The following UVRAG variants were observed in gnomAD, a reference collection of about 807,000 sequenced individuals.
UVRAG encodes UV radiation resistance associated.
Under a neutral mutation model 78.0 loss-of-function variants are expected in UVRAG, and 19 were observed. That is an observed-to-expected ratio of 0.24 (90% CI 0.17 to 0.36). UVRAG has a LOEUF of 0.36. Among genes scored for constraint, UVRAG ranks in the 10% least tolerant of loss-of-function variants. The pLI, the probability that UVRAG is intolerant of heterozygous loss-of-function variation, is 1.00. For missense variants in UVRAG, 740 were observed against 853.8 expected (o/e 0.87, Z 1.66); for synonymous variants, 323 against 324.6 (o/e 1.00, Z 0.05).
At position 75,815,401 on chromosome 11, in the gene UVRAG, G is replaced by A; in HGVS notation, c.-7G>A. On this transcript the variant is annotated 5_prime_UTR_variant, in exon 1 of 15. Coordinates refer to ENST00000356136, the MANE Select transcript of UVRAG (RefSeq NM_003369.4). Reference sequence around the variant, plus strand: ...CCGCCCCGCCGCTTGGCGGCCCCTGGATCGAGATGAGCGCCTCCGCGTCGG... The same window carrying A: ...CCGCCCCGCCGCTTGGCGGCCCCTGAATCGAGATGAGCGCCTCCGCGTCGG... 1 of 1,240,770 alleles carries A rather than the reference G, an allele frequency of 8.1e-7. No individual in the cohort carries two copies. The highest frequency in any genetic ancestry group is 1.0e-6 in the Non-Finnish European group (1 of 988,882). The allele number at this position is 1,240,770 out of a possible 1,614,324, so 76.9% of individuals were successfully genotyped here.
chr11:75,898,956 G>A (rs1302308591), intron 5 of UVRAG, among the ~76,000 whole-genome samples: 1 of 151,994 alleles, frequency 6.6e-6, no homozygotes, highest in Admixed American at 6.6e-5. Flanking sequence ...CAGAAGTAGG[G>A]ATTAACTGTC....
chr11:75,944,566 C>T (rs917713619), intron 6 of UVRAG, among the ~76,000 whole-genome samples: 6 of 152,098 alleles, frequency 3.9e-5, no homozygotes, highest in African/African-American at 1.4e-4. Flanking sequence ...GTACTGCATG[C>T]TGGAAACTAT....
At chr11:76,071,437 T>C (rs1301227086) in intron 13 of UVRAG, among the ~76,000 whole-genome samples, 1 of 152,054 alleles carries the variant, frequency 6.6e-6, no homozygotes, top group East Asian at 1.9e-4. Context: ...CCAGGGAGCA[T>C]AGCACATAAA....
At chr11:76,068,471 A>AG (rs1951238918) in intron 13 of UVRAG, among the ~76,000 whole-genome samples, 1 of 152,222 alleles carries the variant, frequency 6.6e-6, no homozygotes, top group Non-Finnish European at 1.5e-5. Flanking sequence ...ATCCATAGGG[A>AG]GCAAGTATCC....
At chr11:76,044,882 C>A (rs563900436) in intron 12 of UVRAG, among the ~76,000 whole-genome samples, 1 of 146,238 alleles carries the variant, frequency 6.8e-6, no homozygotes, top group South Asian at 2.1e-4. Flanking sequence ...ATTGTGAGAA[C>A]TGAACAGCAG....
chr11:75,960,819 A>G (rs974421086), intron 6 of UVRAG, among the ~76,000 whole-genome samples: 4 of 152,092 alleles, frequency 2.6e-5, no homozygotes, highest in African/African-American at 9.7e-5. Context: ...ACACAAAGAA[A>G]ACCATAATTT....
Position 75,961,548 on chromosome 11 carries a change from T to C in UVRAG, c.698T>C (p.Leu233Pro). 1 of 1,592,126 alleles carries C rather than the reference T, an allele frequency of 6.3e-7. No homozygotes were observed. Among genetic ancestry groups the C allele is most frequent in the South Asian group, 1.2e-5 (1 of 86,732 alleles). The change falls in exon 7 of 15, where the codon CTG becomes CCG. Residue 233 changes from leucine to proline, a missense_variant and splice_region_variant. Physicochemically the swap from Leu to Pro is moderately conservative, Grantham distance 98 (BLOSUM62 -3). Coordinates refer to ENST00000356136, the MANE Select transcript of UVRAG (RefSeq NM_003369.4). ...AGACTCACATCTACAAGCAATGAAC[T>C]GGTAGGTTTTTATGTATTTACCTGT... is the stretch of plus-strand genomic sequence containing the variant. ...KLRLTSTSNELKKKSECLQLK... is the reference protein window; with the variant it reads ...KLRLTSTSNEPKKKSECLQLK...
At chr11:75,922,697 C>T (rs1948002774) in intron 6 of UVRAG, among the ~76,000 whole-genome samples, 1 of 152,024 alleles carries the variant, frequency 6.6e-6, no homozygotes, top group African/African-American at 2.4e-5. Context: ...CCTGTAATCC[C>T]AGCACTTTGG....
intron 13 of UVRAG, among the ~76,000 whole-genome samples, chr11:76,075,714 G>A (rs1003116108): frequency 1.3e-5 from 2 of 151,864 alleles, no homozygotes; most frequent in Non-Finnish European, 2.9e-5. Flanking sequence ...GCCCCCAAAA[G>A]AAACCCTGTA....
intron 5 of UVRAG, among the ~76,000 whole-genome samples, chr11:75,905,351 C>T (rs1210240780): frequency 6.6e-6 from 1 of 152,138 alleles, no homozygotes; most frequent in African/African-American, 2.4e-5. Context: ...GCTCTGGGTA[C>T]ATTCACAGTG....
chr11:75,919,100 A>C (rs554933296), intron 6 of UVRAG, among the ~76,000 whole-genome samples: 1 of 152,260 alleles, frequency 6.6e-6, no homozygotes, highest in Non-Finnish European at 1.5e-5. Context: ...GAAAATGCTC[A>C]CAACCAATAA....
rs11825644 is a variant in UVRAG at position 76,140,912 on chromosome 11, C to T, written c.1599C>T (p.Thr533=). ...CAGCATTAGCCCAGCCTGTGACCACCGTCCCCTCCATGGGAGAGACCGAGA... is the reference window on the plus strand; with the variant it reads ...CAGCATTAGCCCAGCCTGTGACCACTGTCCCCTCCATGGGAGAGACCGAGA... ...YNSALAQPVT[T]VPSMGETERK... Residue 533 remains threonine, a synonymous_variant, in exon 15 of 15, where the codon ACC becomes ACT. Transcript: ENST00000356136. 1,996 of 1,614,126 alleles carry T rather than the reference C, an allele frequency of 1.2e-3. 10 individuals are homozygous for T. In the African/African-American group the frequency reaches 0.022, roughly 18 times the overall value.
intron 8 of UVRAG, among the ~76,000 whole-genome samples, chr11:75,993,401 T>A (rs1949649145): frequency 6.6e-6 from 1 of 152,184 alleles, no homozygotes; most frequent in Admixed American, 6.5e-5. Flanking sequence ...TCCAGCTGGG[T>A]CATGAGCTGA....
intron 14 of UVRAG, among the ~76,000 whole-genome samples, chr11:76,139,607 T>C (rs1952668333): frequency 6.6e-6 from 1 of 152,236 alleles, no homozygotes; most frequent in African/African-American, 2.4e-5. Flanking sequence ...CCTCTGCCTC[T>C]GGACCCAATC....
intron 12 of UVRAG, among the ~76,000 whole-genome samples, chr11:76,033,780 A>G (rs562863914): frequency 1.3e-5 from 2 of 152,306 alleles, no homozygotes; most frequent in East Asian, 3.9e-4. Context: ...GCATGTTAAA[A>G]CCAGAAGGAG....
intron 1 of UVRAG, among the ~76,000 whole-genome samples, chr11:75,824,541 C>G (rs552816881): frequency 7.3e-4 from 111 of 151,286 alleles, no homozygotes; most frequent in Non-Finnish European, 1.4e-3. Context: ...ATAAGTTGGG[C>G]CTGAAGTGAA....
At chr11:76,090,358 G>A (rs1162609528) in intron 13 of UVRAG, among the ~76,000 whole-genome samples, 1 of 152,072 alleles carries the variant, frequency 6.6e-6, no homozygotes, top group Non-Finnish European at 1.5e-5. Flanking sequence ...TCCCCTTCAT[G>A]AATATTCATA....
chr11:75,956,944 T>A (rs888141113), intron 6 of UVRAG, among the ~76,000 whole-genome samples: 12 of 152,168 alleles, frequency 7.9e-5, no homozygotes, highest in Non-Finnish European at 1.6e-4. Flanking sequence ...ATTACTGATT[T>A]ATAAGACTTC....
chr11:75,834,525 A>G (rs1173520402), intron 1 of UVRAG, among the ~76,000 whole-genome samples: 19 of 152,186 alleles, frequency 1.2e-4, no homozygotes. Flanking sequence ...CTTTAAGACC[A>G]TGCATGGGGC....
Sources: gnomAD v4.1 joint callset for allele counts (sites outside exome capture counted in the v4.1 genomes callset) on GRCh38, gnomAD v4.1.1 for gene constraint, MANE v1.5 for transcripts, NCBI Gene and HGNC (gene_info 2026-07-23, HGNC 2026-07-21) for gene names.